TMPRSS9: variants seen among roughly 807,000 people sequenced by gnomAD.
TMPRSS9 encodes the protein transmembrane serine protease 9, also known as transmembrane protease serine 9.
TMPRSS9 carries 113 observed loss-of-function variants against 111.4 expected under a neutral mutation model. That is an observed-to-expected ratio of 1.01 (90% confidence interval 0.87 to 1.19). The LOEUF (loss-of-function observed/expected upper bound fraction) is 1.19, where lower values mean the gene tolerates loss of function less well. Ranked by LOEUF, TMPRSS9 falls within the 50% of genes most tolerant of loss-of-function variation. The pLI, the probability that TMPRSS9 is intolerant of heterozygous loss-of-function variation, is 0.00. For missense variants in TMPRSS9, 1,803 were observed against 1,513.1 expected, an observed-to-expected ratio of 1.19 and a Z score of -3.18; for synonymous variants, 805 against 659.1, an observed-to-expected ratio of 1.22 and a Z score of -3.39.
At chr19:2,425,890 A>G (rs1357696903) in intron 17 of TMPRSS9, 37 bp from the exon 19 acceptor site, 3 of 1,554,244 alleles carry the variant, frequency 1.9e-6, no homozygotes, top group Non-Finnish European at 2.6e-6. Flanking sequence ...TAGGGGAGGT[A>G]CCGGCCTCTG....
intron 9 of TMPRSS9, among the ~76,000 whole-genome samples, chr19:2,413,005 C>T (rs1971128939): frequency 6.6e-6 from 1 of 151,986 alleles, no homozygotes; most frequent in Non-Finnish European, 1.5e-5. Context: ...ACCAGCCTGG[C>T]CAACATGGTG....
intron 1 of TMPRSS9, among the ~76,000 whole-genome samples, chr19:2,382,276 C>G (rs1464265894): frequency 6.6e-6 from 1 of 151,222 alleles, no homozygotes; most frequent in Non-Finnish European, 1.5e-5. Flanking sequence ...TCCCAAGAAA[C>G]CATGTGCCAC....
intron 1 of TMPRSS9, among the ~76,000 whole-genome samples, chr19:2,371,617 A>G (rs992567321): frequency 1.3e-5 from 2 of 152,130 alleles, no homozygotes; most frequent in African/African-American, 2.4e-5. Flanking sequence ...GAATCGGTTG[A>G]ACCCAGGAGG....
chr19:2,390,053 A>C, intron 1 of TMPRSS9, 126 bp downstream of exon 2: 2 of 1,224,908 alleles, frequency 1.6e-6, no homozygotes, highest in South Asian at 2.9e-5. Context: ...GTGGAGATGA[A>C]GGCTGCCCTA....
intron 1 of TMPRSS9, among the ~76,000 whole-genome samples, chr19:2,394,171 C>T (rs866373851): frequency 6.6e-6 from 1 of 151,882 alleles, no homozygotes; most frequent in Non-Finnish European, 1.5e-5. Context: ...CCACTGCATC[C>T]CAGCCTGGCA....
At chr19:2,394,171 C>G (rs866373851) in intron 1 of TMPRSS9, among the ~76,000 whole-genome samples, 2 of 151,882 alleles carry the variant, frequency 1.3e-5, no homozygotes. Context: ...CCACTGCATC[C>G]CAGCCTGGCA....
chr19:2,416,455 G>C, intron 11 of TMPRSS9, 83 bp from the exon 13 acceptor site: 1 of 1,519,012 alleles, frequency 6.6e-7, no homozygotes. Flanking sequence ...TGGCTTCCTG[G>C]GGGTGTGCAT....
rs968875388 is a variant in TMPRSS9 at position 2,408,804 on chromosome 19, G to A, written c.1117+174G>A. On this transcript the variant is annotated intron_variant, in intron 8 of 17. Coordinates refer to ENST00000648592, the Ensembl canonical transcript of TMPRSS9. ...AGCCTGGCCAACATAGTGAAAACCC[G>A]TCTCTACTAAAAAATACACACACAC... Among the ~76,000 whole-genome samples the A allele has an allele frequency of 1.5e-4, 21 of 140,036 alleles. 1 individual carries two copies. The highest frequency in any genetic ancestry group is 8.4e-4 in the Admixed American group (12 of 14,222). 91.9% of individuals were successfully genotyped at this position (140,036 alleles called of 152,430 possible). A position where few individuals can be genotyped will look rare whatever the true frequency, so the allele number is the denominator to read the frequency against.
At chr19:2,360,542 G>A (rs981218187) in intron 1 of TMPRSS9, among the ~76,000 whole-genome samples, 182 bp downstream of exon 1, 1 of 152,184 alleles carries the variant, frequency 6.6e-6, no homozygotes, top group Non-Finnish European at 1.5e-5. Context: ...GAGGCAGCCG[G>A]GGCTGTGTGG....
At chr19:2,397,312 A>G (rs947341954) in intron 2 of TMPRSS9, among the ~76,000 whole-genome samples, 6 of 151,728 alleles carry the variant, frequency 4.0e-5, no homozygotes, top group African/African-American at 1.5e-4. Context: ...TTTTTTTGAG[A>G]CGGAGTCTTG....
intron 9 of TMPRSS9, among the ~76,000 whole-genome samples, chr19:2,411,397 C>CTT (rs1971093739): frequency 8.7e-6 from 1 of 114,926 alleles, no homozygotes; most frequent in Non-Finnish European, 1.7e-5. Flanking sequence ...TTTTCTTCTT[C>CTT]TTCTTTTTTT....
intron 16 of TMPRSS9, 22 bp from the exon 18 acceptor site, chr19:2,425,335 C>T (rs769604183): frequency 2.1e-6 from 3 of 1,436,812 alleles, no homozygotes; most frequent in South Asian, 1.3e-5. Context: ...CCACCCGCCC[C>T]GTCTCGCTCG....
At chr19:2,404,222 C>T (rs925284374) in intron 6 of TMPRSS9, among the ~76,000 whole-genome samples, 2 of 151,952 alleles carry the variant, frequency 1.3e-5, no homozygotes, top group Non-Finnish European at 2.9e-5. Context: ...AAAATACTAG[C>T]CCATGCAATA....
chr19:2,388,923 C>T (rs995339510), upstream of TMPRSS9, among the ~76,000 whole-genome samples: 2 of 151,606 alleles, frequency 1.3e-5, no homozygotes, highest in African/African-American at 4.9e-5. Flanking sequence ...CACGCCTGGC[C>T]GAAAACTCGG....
chr19:2,368,774 GTTTTTTTTTTTTTT>G (rs762761358), intron 1 of TMPRSS9, among the ~76,000 whole-genome samples: 2 of 70,366 alleles, frequency 2.8e-5, no homozygotes, highest in African/African-American at 6.0e-5. Flanking sequence ...GATAAACCCA[GTTTTTTTTTTTTTT>G]TTTTTTTTTT....
At chr19:2,372,340 G>A (rs560271395) in intron 1 of TMPRSS9, among the ~76,000 whole-genome samples, 5 of 139,044 alleles carry the variant, frequency 3.6e-5, no homozygotes, top group South Asian at 2.2e-4. Context: ...TCTCAAACCC[G>A]GCCAGTAACA....
intron 13 of TMPRSS9, among the ~76,000 whole-genome samples, chr19:2,419,365 A>G (rs937974068): frequency 6.0e-4 from 90 of 149,650 alleles, no homozygotes; most frequent in Non-Finnish European, 5.9e-4. Flanking sequence ...CACCATGCCC[A>G]GCTAATTTTT....
At chr19:2,424,148 G>A in exon 15 of TMPRSS9, 1 of 1,447,754 alleles carries the variant, frequency 6.9e-7, no homozygotes, top group Non-Finnish European at 9.1e-7. Flanking sequence ...AGCGGGCCGT[G>A]GGGAGTGGCC....
intron 1 of TMPRSS9, among the ~76,000 whole-genome samples, chr19:2,380,932 A>T (rs1474399010): frequency 6.6e-6 from 1 of 152,086 alleles, no homozygotes; most frequent in Non-Finnish European, 1.5e-5. Flanking sequence ...ATTCCTATTT[A>T]TCCTTCCGAA....
Sources: allele counts gnomAD v4.1 joint callset (sites outside exome capture counted in the v4.1 genomes callset), GRCh38; gene constraint gnomAD v4.1.1; transcripts MANE v1.5; gene names NCBI Gene and HGNC (gene_info 2026-07-23, HGNC 2026-07-21).